MBD5: variants seen among roughly 807,000 people sequenced by gnomAD.
MBD5 encodes the protein methyl-CpG binding domain protein 5.
A neutral mutation model predicts 117.3 loss-of-function variants in MBD5; 13 were observed. The observed-to-expected ratio is 0.11, with a 90% CI of 0.07 to 0.18. The LOEUF (loss-of-function observed/expected upper bound fraction) is 0.18. Ranked by LOEUF, MBD5 falls within the 10% of genes least tolerant of loss-of-function variation. The pLI is 1.00. For synonymous variants in MBD5, 727 were observed against 766.4 expected, an observed-to-expected ratio of 0.95 and a Z score of 0.85; for missense variants, 1,879 against 2,093.8, an observed-to-expected ratio of 0.90 and a Z score of 2.00.
intron 3 of MBD5, among the ~76,000 whole-genome samples, chr2:148,261,873 G>A (rs1477901205): frequency 1.3e-5 from 2 of 152,208 alleles, no homozygotes; most frequent in Non-Finnish European, 2.9e-5. Context: ...GGCCATTGAA[G>A]TAATCTTGGC....
At chr2:148,323,002 A>T (rs10199471) in intron 3 of MBD5, among the ~76,000 whole-genome samples, 1 of 112,050 alleles carries the variant, frequency 8.9e-6, no homozygotes, top group Non-Finnish European at 1.9e-5. Context: ...CCACTCCCCC[A>T]ACCCCACAAC....
chr2:148,411,540 A>C (rs1387820382), intron 4 of MBD5, among the ~76,000 whole-genome samples: 1 of 67,472 alleles, frequency 1.5e-5, no homozygotes, highest in South Asian at 4.5e-4. Flanking sequence ...TTTTTGTAGT[A>C]ATTGCCATTC....
intron 1 of MBD5, among the ~76,000 whole-genome samples, chr2:148,143,044 G>A (rs1697356186): frequency 6.6e-6 from 1 of 152,114 alleles, no homozygotes; most frequent in African/African-American, 2.4e-5. Flanking sequence ...CAATTATACG[G>A]ATGCAAAAGA....
intron 1 of MBD5, among the ~76,000 whole-genome samples, chr2:148,046,315 T>C (rs943857426): frequency 1.3e-5 from 2 of 152,204 alleles, no homozygotes; most frequent in Admixed American, 6.5e-5. Flanking sequence ...AGTGATGTTA[T>C]GAAAGAAATA....
intron 4 of MBD5, among the ~76,000 whole-genome samples, chr2:148,455,465 A>G (rs1345703110): frequency 6.6e-6 from 1 of 152,102 alleles, no homozygotes; most frequent in Non-Finnish European, 1.5e-5. Flanking sequence ...TAAAAAATAG[A>G]TTGTCCCTAG....
intron 1 of MBD5, among the ~76,000 whole-genome samples, chr2:148,101,473 A>T (rs1696215366): frequency 6.6e-6 from 1 of 152,192 alleles, no homozygotes; most frequent in Admixed American, 6.5e-5. Context: ...AAAAGAAAAA[A>T]AAATCATATG....
At chr2:148,050,466 T>C (rs1324585566) in intron 1 of MBD5, among the ~76,000 whole-genome samples, 3 of 152,200 alleles carry the variant, frequency 2.0e-5, no homozygotes, top group Admixed American at 6.5e-5. Context: ...TTTTGGATAC[T>C]AGACCCTTAT....
chr2:148,294,863 GT>G (rs1701612050), intron 3 of MBD5, among the ~76,000 whole-genome samples: 1 of 152,122 alleles, frequency 6.6e-6, no homozygotes, highest in South Asian at 2.1e-4. Flanking sequence ...TCAGCACTTT[GT>G]TTATATCATC....
At chr2:148,402,861 G>GT (rs927729075) in intron 4 of MBD5, among the ~76,000 whole-genome samples, 48 of 148,044 alleles carry the variant, frequency 3.2e-4, no homozygotes, top group South Asian at 1.1e-3. Flanking sequence ...TCAGATAGTT[G>GT]TTTTTTTTTT....
At chr2:148,330,937 A>G (rs1702629225) in intron 3 of MBD5, among the ~76,000 whole-genome samples, 1 of 152,234 alleles carries the variant, frequency 6.6e-6, no homozygotes, top group Admixed American at 6.5e-5. Context: ...AAGCAAAAAG[A>G]GGTTTAATAT....
At chr2:148,262,811 C>G (rs1374817438) in intron 3 of MBD5, among the ~76,000 whole-genome samples, 1 of 152,196 alleles carries the variant, frequency 6.6e-6, no homozygotes, top group African/African-American at 2.4e-5. Context: ...AGTTAAGTAA[C>G]AGAATGCCAT....
chr2:148,433,987 T>C (rs1706075134), intron 4 of MBD5, among the ~76,000 whole-genome samples: 1 of 151,794 alleles, frequency 6.6e-6, no homozygotes, highest in South Asian at 2.1e-4. Flanking sequence ...TTTATACACC[T>C]GGTAGAATTC....
chr2:148,196,884 T>C (rs1699002685), intron 2 of MBD5, among the ~76,000 whole-genome samples: 1 of 152,092 alleles, frequency 6.6e-6, no homozygotes, highest in South Asian at 2.1e-4. Flanking sequence ...CAAATCTGTA[T>C]GTAATATAGA....
chr2:148,401,951 T>G (rs1222364062), intron 4 of MBD5, among the ~76,000 whole-genome samples: 3 of 152,096 alleles, frequency 2.0e-5, no homozygotes. Context: ...TTTGGGTTCT[T>G]CTAATATTTT....
At chr2:148,362,077 G>A (rs993985484) in intron 4 of MBD5, among the ~76,000 whole-genome samples, 5 of 152,206 alleles carry the variant, frequency 3.3e-5, no homozygotes, top group South Asian at 2.1e-4. Flanking sequence ...GGCAAACACC[G>A]AGCTAGCTGC....
At chr2:148,368,294 G>A (rs1462720348) in intron 4 of MBD5, among the ~76,000 whole-genome samples, 1 of 152,068 alleles carries the variant, frequency 6.6e-6, no homozygotes, top group Non-Finnish European at 1.5e-5. Flanking sequence ...TATGGGCACA[G>A]GGAGGGGAAC....
Position 148,150,594 on chromosome 2 carries a change from G to A in MBD5, c.-924-28106G>A, listed in dbSNP as rs1389511590. Among the ~76,000 whole-genome samples, 3 of 152,026 alleles carry A rather than the reference G, an allele frequency of 2.0e-5. No individual in the cohort carries two copies. In the East Asian group the frequency reaches 5.8e-4, roughly 29 times the overall value. ...ATGAGCATGGAATGTTCTTCCATTT[G>A]TTTGTATCCTCTTTTATTTCCTGGA... On this transcript the variant is annotated intron_variant, in intron 1 of 13. Coordinates refer to ENST00000642680, the MANE Select transcript of MBD5 (RefSeq NM_001378120.1).
intron 4 of MBD5, among the ~76,000 whole-genome samples, chr2:148,407,802 T>G (rs1705128524): frequency 6.6e-6 from 1 of 152,184 alleles, no homozygotes; most frequent in Non-Finnish European, 1.5e-5. Context: ...TCCCTCTTGT[T>G]TTTAGTGTAA....
intron 1 of MBD5, among the ~76,000 whole-genome samples, chr2:148,078,896 G>T (rs1695572947): frequency 6.6e-6 from 1 of 152,184 alleles, no homozygotes; most frequent in African/African-American, 2.4e-5. Context: ...AAAAGAACAA[G>T]TGTGTTAATT....
Sources: gnomAD v4.1 joint callset for allele counts (sites outside exome capture counted in the v4.1 genomes callset) on GRCh38, gnomAD v4.1.1 for gene constraint, MANE v1.5 for transcripts, NCBI Gene and HGNC (gene_info 2026-07-23, HGNC 2026-07-21) for gene names.